The following GFOD2 variants were observed in gnomAD, a reference collection of about 807,000 sequenced individuals.
GFOD2 encodes Gfo/Idh/MocA-like oxidoreductase domain containing 2.
A neutral mutation model predicts 24.6 loss-of-function variants in GFOD2; 9 were observed. The ratio of observed to expected loss-of-function variants is 0.37; its 90% CI spans 0.22 to 0.64. The LOEUF (loss-of-function observed/expected upper bound fraction) is 0.64. GFOD2 is among the 30% of genes least tolerant of loss of function. The probability of loss-of-function intolerance (pLI) is 0.65; values close to 1 mark genes in which losing one functional copy is unlikely to be tolerated. For synonymous variants in GFOD2, 211 were observed against 224.8 expected (o/e 0.94, Z 0.55); for missense variants, 476 against 532.5 (o/e 0.89, Z 1.04).
intron 1 of GFOD2, among the ~76,000 whole-genome samples, chr16:67,691,377 T>C (rs1277107674): frequency 5.3e-5 from 8 of 152,008 alleles, no homozygotes; most frequent in Admixed American, 2.6e-4. Flanking sequence ...CTGGCTAATT[T>C]TTGCATTTTT....
chr16:67,700,992 G>A (rs1337730852), intron 1 of GFOD2, among the ~76,000 whole-genome samples: 1 of 148,936 alleles, frequency 6.7e-6, no homozygotes, highest in Non-Finnish European at 1.5e-5. Flanking sequence ...AGCCGAGATT[G>A]TGCCACTGCT....
intron 2 of GFOD2, chr16:67,680,562 T>G (rs2053217605): frequency 1.1e-5 from 2 of 183,302 alleles, no homozygotes; most frequent in Non-Finnish European, 2.0e-5. Flanking sequence ...CCCTTCCCCC[T>G]CCTCTCACTT....
chr16:67,685,355 A>C, intron 2 of GFOD2, 102 bp downstream of exon 2: 1 of 1,553,752 alleles, frequency 6.4e-7, no homozygotes, highest in Non-Finnish European at 8.7e-7. Flanking sequence ...CTCCCTGCAG[A>C]TGCGAGCCCA....
chr16:67,687,665 AAG>A (rs2053278690), intron 1 of GFOD2, among the ~76,000 whole-genome samples: 1 of 150,996 alleles, frequency 6.6e-6, no homozygotes, highest in South Asian at 2.1e-4. Context: ...AAAAGAAAAA[AAG>A]AAAAAAAAAA....
intron 1 of GFOD2, among the ~76,000 whole-genome samples, chr16:67,711,587 C>T (rs559294450): frequency 1.5e-4 from 23 of 152,270 alleles, no homozygotes; most frequent in Admixed American, 4.6e-4. Context: ...AAGCTCCAGA[C>T]GGGTGCAAAC....
chr16:67,687,198 T>C (rs1321559317), intron 1 of GFOD2, among the ~76,000 whole-genome samples: 3 of 147,448 alleles, frequency 2.0e-5, no homozygotes, highest in Non-Finnish European at 4.5e-5. Context: ...CAAAAACCAG[T>C]TCAAGAGGAA....
chr16:67,693,456 G>C (rs1272478117), intron 1 of GFOD2, among the ~76,000 whole-genome samples: 2 of 152,038 alleles, frequency 1.3e-5, no homozygotes, highest in African/African-American at 4.8e-5. Context: ...GTTTTTTGTA[G>C]AGACAGGGTT....
intron 1 of GFOD2, among the ~76,000 whole-genome samples, chr16:67,718,836 G>A (rs1249864921): frequency 2.0e-5 from 3 of 152,208 alleles, no homozygotes; most frequent in Non-Finnish European, 2.9e-5. Context: ...CAGTCAGGTG[G>A]TCCGCTCGGC....
At chr16:67,682,244 G>C (rs144026838) in intron 2 of GFOD2, 20,730 of 550,650 alleles carry the variant, frequency 0.038, 471 homozygotes, top group Middle Eastern at 0.1. Context: ...CACCAGGTTG[G>C]TCAGGCTGGT....
At position 67,675,380 on chromosome 16, in the gene GFOD2, C is replaced by A; in HGVS notation, c.933G>T (p.Val311=). ...LLYLKGMVYM[V]QALRQSFQGQ... ...CCTGGAAGGACTGGCGCAAGGCCTG[C>A]ACCATGTAGACCATGCCCTTCAGGT... is the stretch of plus-strand genomic sequence containing the variant. The change falls in exon 3 of 3, where the codon GTG becomes GTT. Residue 311 remains valine, a synonymous_variant. Transcript: ENST00000268797. 1 of 1,613,404 alleles carries A rather than the reference C, an allele frequency of 6.2e-7. No individual in the cohort carries two copies. The highest frequency in any genetic ancestry group is 1.1e-5 in the South Asian group (1 of 91,062).
chr16:67,687,040 C>G (rs1001605216), intron 1 of GFOD2, among the ~76,000 whole-genome samples: 3 of 150,228 alleles, frequency 2.0e-5, no homozygotes, highest in African/African-American at 4.9e-5. Context: ...CTCAGCTACT[C>G]GAGGGGCTGA....
At chr16:67,682,525 T>TC (rs1262815003) in intron 2 of GFOD2, 2 of 985,140 alleles carry the variant, frequency 2.0e-6, no homozygotes, top group Non-Finnish European at 2.4e-6. Context: ...CCTTCCCCTC[T>TC]CCCCTTTAAG....
chr16:67,682,929 T>C (rs2053239064), intron 2 of GFOD2: 2 of 670,364 alleles, frequency 3.0e-6, no homozygotes, highest in Non-Finnish European at 3.7e-6. Flanking sequence ...ATCCCAGAGA[T>C]TCAGTAGGTT....
intron 1 of GFOD2, among the ~76,000 whole-genome samples, chr16:67,713,853 T>C (rs562878978): frequency 7.2e-5 from 11 of 152,098 alleles, no homozygotes; most frequent in Non-Finnish European, 1.5e-4. Context: ...CTAATCATGC[T>C]TTGATGTTTC....
In GFOD2 at chr16:67,685,548, C is replaced by T. The variant is rs1249342822; in HGVS notation, c.168G>A (p.Arg56=). 28 of 1,614,034 alleles carry T rather than the reference C, an allele frequency of 1.7e-5. No individual in the cohort carries two copies. The highest frequency in any genetic ancestry group is 2.3e-5 in the Non-Finnish European group (27 of 1,180,034). The change falls in exon 2 of 3, where the codon CGG becomes CGA. Residue 56 remains arginine (R), a synonymous_variant. Transcript: ENST00000268797. ...CTTGATGCAGCAAGATGTCATCAGT[C>T]CGGCTGGTGTAGAAGGCGATGTTCA... The part of the protein sequence containing the change: ...EEMNIAFYTS[R]TDDILLHQDV...
intron 1 of GFOD2, among the ~76,000 whole-genome samples, chr16:67,689,469 G>A (rs755110672): frequency 6.6e-6 from 1 of 151,730 alleles, no homozygotes; most frequent in Non-Finnish European, 1.5e-5. Flanking sequence ...TGAGGAGTTT[G>A]AGACCAGCCT....
intron 2 of GFOD2, chr16:67,683,497 C>A: frequency 2.4e-6 from 3 of 1,231,704 alleles, no homozygotes; most frequent in South Asian, 4.1e-5. Flanking sequence ...TTTCTGAATT[C>A]AATCTGGGAG....
chr16:67,687,452 A>G (rs1218010579), intron 1 of GFOD2, among the ~76,000 whole-genome samples: 1 of 151,754 alleles, frequency 6.6e-6, no homozygotes, highest in African/African-American at 2.4e-5. Context: ...CATCCTCACT[A>G]ACACAGTGAA....
chr16:67,688,758 G>A (rs1469303667), intron 1 of GFOD2, among the ~76,000 whole-genome samples: 5 of 138,128 alleles, frequency 3.6e-5, no homozygotes, highest in South Asian at 2.2e-4. Flanking sequence ...TTTTTGAGAC[G>A]GAGTCTCGCT....
Sources: gnomAD v4.1 joint callset for allele counts (sites outside exome capture counted in the v4.1 genomes callset) on GRCh38, gnomAD v4.1.1 for gene constraint, MANE v1.5 for transcripts, NCBI Gene and HGNC (gene_info 2026-07-23, HGNC 2026-07-21) for gene names.